RORA: variants seen among roughly 807,000 people sequenced by gnomAD.
RORA encodes RAR related orphan receptor A, also known as nuclear receptor ROR-alpha.
In RORA, 7 loss-of-function variants were observed where a neutral mutation model predicts 69.5. The observed-to-expected ratio is 0.10, with a 90% CI of 0.06 to 0.19. RORA has a LOEUF of 0.19. Ranked by LOEUF, RORA falls within the 10% of genes least tolerant of loss-of-function variation. The pLI, the probability that RORA is intolerant of heterozygous loss-of-function variation, is 1.00. For synonymous variants in RORA, 261 were observed against 240.8 expected (o/e 1.08, Z -0.78); for missense variants, 457 against 663.0 (o/e 0.69, Z 3.41).
chr15:60,515,063 GT>G (rs1019553246), intron 3 of RORA, among the ~76,000 whole-genome samples: 18 of 152,294 alleles, frequency 1.2e-4, no homozygotes, highest in African/African-American at 4.1e-4. Flanking sequence ...CAAAAGCAAT[GT>G]GCCTGATGGA....
chr15:61,043,714 TA>T (rs1428302629), intron 1 of RORA, among the ~76,000 whole-genome samples: 2 of 152,058 alleles, frequency 1.3e-5, no homozygotes, highest in African/African-American at 2.4e-5. Flanking sequence ...AATATACTTA[TA>T]AAAGCACAGA....
intron 1 of RORA, among the ~76,000 whole-genome samples, chr15:61,022,717 A>G (rs1247253697): frequency 1.3e-5 from 2 of 152,176 alleles, no homozygotes; most frequent in Non-Finnish European, 2.9e-5. Flanking sequence ...TTTAAGTAAA[A>G]TGGTTAACTG....
intron 1 of RORA, among the ~76,000 whole-genome samples, chr15:61,076,378 A>T (rs2078449603): frequency 6.6e-6 from 1 of 150,450 alleles, no homozygotes; most frequent in Non-Finnish European, 1.5e-5. Context: ...TTGAGCAAAC[A>T]TTAAGGAGGG....
At chr15:60,647,233 C>T (rs1397609207) in intron 2 of RORA, among the ~76,000 whole-genome samples, 1 of 152,130 alleles carries the variant, frequency 6.6e-6, no homozygotes, top group Admixed American at 6.5e-5. Context: ...GCTGTGATGG[C>T]TTAAGCTTTT....
chr15:61,060,731 C>G (rs1318114081), intron 1 of RORA, among the ~76,000 whole-genome samples: 1 of 152,104 alleles, frequency 6.6e-6, no homozygotes, highest in Non-Finnish European at 1.5e-5. Context: ...AATCTTACAT[C>G]AAGACAATGG....
chr15:60,595,719 A>G (rs1180500749), intron 2 of RORA, among the ~76,000 whole-genome samples: 2 of 151,768 alleles, frequency 1.3e-5, no homozygotes, highest in Non-Finnish European at 2.9e-5. Context: ...TATTGCTTAC[A>G]TGAAGATAAT....
chr15:61,147,763 A>ACGTG lies in RORA; in HGVS notation c.166+81289_166+81290insCACG, dbSNP rs1555414875. ...TGATGGTCAGTAGGCACGTGCGCAC[A>ACGTG]CGCGTGTGTGTGTGTGTGTGTGTGT... On this transcript the variant is annotated intron_variant, in intron 1 of 10. Transcript: ENST00000335670. The surrounding 1 kb of genome is among the most constrained non-coding windows in gnomAD (Gnocchi z 4.1). Among the ~76,000 whole-genome samples, 4 of 74,708 alleles carry ACGTG rather than the reference A, an allele frequency of 5.4e-5. No individual in the cohort carries two copies. Among genetic ancestry groups the ACGTG allele is most frequent in the Non-Finnish European group, 1.3e-4 (4 of 31,636 alleles). The allele number at this position is 74,708 out of a possible 152,430, so 49.0% of individuals were successfully genotyped here.
At chr15:61,015,573 A>T (rs1331313146) in intron 1 of RORA, among the ~76,000 whole-genome samples, 1 of 152,220 alleles carries the variant, frequency 6.6e-6, no homozygotes, top group African/African-American at 2.4e-5. Context: ...TGAAGTTATT[A>T]TGTAGAAGAC....
chr15:61,048,181 C>T (rs1370945039), intron 1 of RORA, among the ~76,000 whole-genome samples: 1 of 152,182 alleles, frequency 6.6e-6, no homozygotes, highest in Non-Finnish European at 1.5e-5. Context: ...ATAATATCAA[C>T]AATACTTTAA....
intron 1 of RORA, among the ~76,000 whole-genome samples, chr15:60,938,132 T>A (rs59366535): frequency 0.016 from 2,361 of 152,234 alleles, 61 homozygotes; most frequent in African/African-American, 0.054. Context: ...GAAAATTGAT[T>A]TTTGAGGGCC....
intron 2 of RORA, among the ~76,000 whole-genome samples, chr15:60,651,648 T>TTC (rs1337720916): frequency 6.6e-6 from 1 of 152,128 alleles, no homozygotes; most frequent in Non-Finnish European, 1.5e-5. Flanking sequence ...CCAAAAAGGC[T>TTC]TCCACTCCAG....
In RORA at chr15:60,704,770, A is replaced by ATTGATTCAGTTCC. The variant is rs1485044754; in HGVS notation, c.167-26097_167-26085dup. ...ACCCTCACAGCAAGCCTTGTTGGTT[A>ATTGATTCAGTTCC]TTGATTCAGTTCCAGACCATGGTTA... On this transcript the variant is annotated intron_variant, in intron 1 of 10. Transcript: ENST00000335670. 1.4e-4 allele frequency among the ~76,000 whole-genome samples: 22 copies of ATTGATTCAGTTCC among 152,316 alleles called. 1 individual carries two copies. In the South Asian group the frequency reaches 1.5e-3, roughly 10 times the overall value.
intron 1 of RORA, among the ~76,000 whole-genome samples, chr15:60,683,069 G>C (rs748951213): frequency 6.6e-6 from 1 of 152,054 alleles, no homozygotes; most frequent in South Asian, 2.1e-4. Flanking sequence ...GGAGTGCAGC[G>C]GCACCATCAT....
At chr15:60,803,046 G>C (rs2072610132) in intron 1 of RORA, among the ~76,000 whole-genome samples, 2 of 152,072 alleles carry the variant, frequency 1.3e-5, no homozygotes, top group African/African-American at 4.8e-5. Flanking sequence ...TTTGAAGACA[G>C]TCCTAAACCT....
intron 2 of RORA, chr15:60,592,774 C>T (rs1328897864): frequency 1.4e-5 from 12 of 837,436 alleles, no homozygotes; most frequent in Non-Finnish European, 1.8e-5. Context: ...GGCCCTCGCC[C>T]GGGCGCCCGC....
intron 1 of RORA, among the ~76,000 whole-genome samples, chr15:60,944,686 C>A (rs1205918043): frequency 7.6e-6 from 1 of 132,282 alleles, no homozygotes; most frequent in Non-Finnish European, 1.6e-5. Flanking sequence ...GATCATACCA[C>A]TGTACTCCAA....
intron 8 of RORA, 33 bp downstream of exon 8, chr15:60,502,727 A>G (rs753412054): frequency 7.6e-7 from 1 of 1,311,912 alleles, no homozygotes; most frequent in Non-Finnish European, 1.1e-6. Context: ...TATAGCCCTG[A>G]TTTGAAGAAA....
intron 1 of RORA, among the ~76,000 whole-genome samples, chr15:61,029,914 C>T (rs1408746644): frequency 6.6e-6 from 1 of 152,074 alleles, no homozygotes; most frequent in Non-Finnish European, 1.5e-5. Context: ...AGATGGGGAT[C>T]TGTGGCTCAC....
intron 1 of RORA, among the ~76,000 whole-genome samples, chr15:61,161,292 A>G (rs1319052345): frequency 6.6e-6 from 1 of 152,208 alleles, no homozygotes; most frequent in East Asian, 1.9e-4. Context: ...GCAGAAGAGC[A>G]GCAGCAGTCA....
Sources: gnomAD v4.1 joint callset for allele counts (sites outside exome capture counted in the v4.1 genomes callset) on GRCh38, gnomAD v4.1.1 for gene constraint, Gnocchi (gnomAD v3.1) non-coding constraint, MANE v1.5 for transcripts, NCBI Gene and HGNC (gene_info 2026-07-23, HGNC 2026-07-21) for gene names.